The following APTX variants were observed in gnomAD, a reference collection of about 807,000 sequenced individuals.
APTX encodes aprataxin.
A neutral mutation model predicts 42.3 loss-of-function variants in APTX; 33 were observed. That is an observed-to-expected ratio of 0.78 (90% CI 0.59 to 1.04). The LOEUF is 1.04. APTX is among the 50% of genes least tolerant of loss of function. The pLI, the probability that APTX is intolerant of heterozygous loss-of-function variation, is 0.00. For synonymous variants in APTX, 130 were observed against 146.7 expected (o/e 0.89, Z 0.82); for missense variants, 421 against 415.1 (o/e 1.01, Z -0.12).
At chr9:33,010,246 T>TA (rs1837443411) in intron 1 of APTX, among the ~76,000 whole-genome samples, 1 of 152,180 alleles carries the variant, frequency 6.6e-6, no homozygotes, top group South Asian at 2.1e-4. Flanking sequence ...GACATGGCTA[T>TA]AGGAGCCCAC....
intron 1 of APTX, among the ~76,000 whole-genome samples, chr9:33,013,612 C>T (rs879941317): frequency 2.6e-5 from 4 of 152,162 alleles, no homozygotes; most frequent in Admixed American, 6.5e-5. Context: ...CGAGACCATC[C>T]TGGCTAACAC....
intron 1 of APTX, among the ~76,000 whole-genome samples, chr9:33,000,424 T>C (rs1835994304): frequency 6.6e-6 from 1 of 151,574 alleles, no homozygotes; most frequent in Non-Finnish European, 1.5e-5. Context: ...GTCAGGAGTT[T>C]GAGACCAGCC....
intron 1 of APTX, among the ~76,000 whole-genome samples, chr9:32,992,293 G>A (rs903877793): frequency 1.3e-5 from 2 of 152,234 alleles, no homozygotes; most frequent in Non-Finnish European, 2.9e-5. Flanking sequence ...ACAAGACAAT[G>A]CAAGGCAAAG....
chr9:32,981,935 G>C (rs562366792), intron 6 of APTX, among the ~76,000 whole-genome samples: 1 of 151,540 alleles, frequency 6.6e-6, no homozygotes, highest in African/African-American at 2.4e-5. Context: ...CATTGGGTGC[G>C]AGTTTGAGGA....
At chr9:33,011,445 G>A (rs1009495298) in intron 1 of APTX, among the ~76,000 whole-genome samples, 1 of 151,722 alleles carries the variant, frequency 6.6e-6, no homozygotes, top group South Asian at 2.1e-4. Flanking sequence ...CTGCCACCAC[G>A]CCCGGCTAAT....
chr9:33,004,475 G>C (rs1325089938), upstream of APTX, among the ~76,000 whole-genome samples: 1 of 152,010 alleles, frequency 6.6e-6, no homozygotes, highest in Non-Finnish European at 1.5e-5. Flanking sequence ...CAATTATTTT[G>C]AATATATACA....
upstream of APTX, among the ~76,000 whole-genome samples, chr9:33,004,377 C>A (rs1537255): frequency 0.32 from 48,583 of 152,102 alleles, 8,112 homozygotes; most frequent in Non-Finnish European, 0.37. Context: ...CCATTATACA[C>A]TTCATCCATG....
At chr9:33,006,782 C>A (rs1002880986) in intron 1 of APTX, among the ~76,000 whole-genome samples, 1 of 151,782 alleles carries the variant, frequency 6.6e-6, no homozygotes, top group African/African-American at 2.4e-5. Context: ...AGGCGAATCA[C>A]GAGGTCAGGA....
chr9:33,020,200 T>C (rs991161632), intron 1 of APTX: 51 of 231,232 alleles, frequency 2.2e-4, no homozygotes, highest in Non-Finnish European at 3.8e-4. Flanking sequence ...GTTGTACTCA[T>C]TCAAACCTGG....
At chr9:32,988,686 GA>G (rs201425898) in intron 2 of APTX, among the ~76,000 whole-genome samples, 26,567 of 70,380 alleles carry the variant, frequency 0.38, 4,899 homozygotes, top group East Asian at 0.62. Context: ...ATCTCAGGAG[GA>G]AAAAAAAAAA....
chr9:33,023,723 G>T (rs547367695), intron 1 of APTX, among the ~76,000 whole-genome samples: 1 of 152,258 alleles, frequency 6.6e-6, no homozygotes, highest in Non-Finnish European at 1.5e-5. Context: ...GGAAACTGCG[G>T]ATAGTTCTGT....
chr9:33,017,928 G>GCCCCCCCCC (rs59841021), intron 1 of APTX, among the ~76,000 whole-genome samples: 3 of 70,796 alleles, frequency 4.2e-5, no homozygotes, highest in Admixed American at 3.2e-4. Context: ...AGCAACCAGC[G>GCCCCCCCCC]CCCCCCCCCC....
Position 32,989,907 on chromosome 9 carries a change from A to G in APTX, c.-4-12T>C. 1 of 1,612,482 alleles carries G rather than the reference A, an allele frequency of 6.2e-7. No homozygotes were observed. Among genetic ancestry groups the G allele is most frequent in the South Asian group, 1.1e-5 (1 of 90,738 alleles). On this transcript the variant is annotated splice_polypyrimidine_tract_variant and intron_variant, in intron 1 of 7. Transcript: ENST00000379817. ...CCCGCATCATCACTCTAAGGGACAA[A>G]ACAAAAGAATCACTAGAAAAACAGA...
At chr9:32,987,429 T>C (rs1047990157) in intron 4 of APTX, 115 bp downstream of exon 4, 2 of 1,372,002 alleles carry the variant, frequency 1.5e-6, no homozygotes, top group Middle Eastern at 1.8e-4. Flanking sequence ...AGTGACTCTT[T>C]CATCATGGTT....
chr9:33,003,845 T>C (rs1836927028), upstream of APTX, among the ~76,000 whole-genome samples: 1 of 152,230 alleles, frequency 6.6e-6, no homozygotes, highest in Non-Finnish European at 1.5e-5. Flanking sequence ...AAAGTTCCTT[T>C]TTAAAGCTGA....
chr9:33,001,023 T>C (rs957221742), intron 1 of APTX, among the ~76,000 whole-genome samples: 5 of 151,858 alleles, frequency 3.3e-5, no homozygotes, highest in Admixed American at 2.6e-4. Flanking sequence ...AGTTTTGTAT[T>C]TTTAGTAGAG....
At chr9:33,023,812 C>A (rs1329950759) in intron 1 of APTX, among the ~76,000 whole-genome samples, 2 of 152,234 alleles carry the variant, frequency 1.3e-5, no homozygotes, top group African/African-American at 4.8e-5. Flanking sequence ...GGATAAAGTT[C>A]AAAATTCTTA....
At chr9:33,023,800 A>G (rs888398480) in intron 1 of APTX, among the ~76,000 whole-genome samples, 1 of 152,258 alleles carries the variant, frequency 6.6e-6, no homozygotes, top group African/African-American at 2.4e-5. Flanking sequence ...GGATGCTTCC[A>G]AGGATAAAGT....
chr9:33,001,578 G>A lies in APTX; in HGVS notation c.-16C>T. ...GACGACCGCCTTACCTCCAGAAGTCGGAGACGGACAAATTCACGTTACTCA... is the reference window on the plus strand; with the variant it reads ...GACGACCGCCTTACCTCCAGAAGTCAGAGACGGACAAATTCACGTTACTCA... On this transcript the variant is annotated 5_prime_UTR_variant, in exon 1 of 8. Transcript: ENST00000379817. The A allele has an allele frequency of 6.2e-7, 1 of 1,613,906 alleles. No individual in the cohort carries two copies.
Sources: gnomAD v4.1 joint callset for allele counts (sites outside exome capture counted in the v4.1 genomes callset) on GRCh38, gnomAD v4.1.1 for gene constraint, MANE v1.5 for transcripts, NCBI Gene and HGNC (gene_info 2026-07-23, HGNC 2026-07-21) for gene names.